FER1L5: variants seen among roughly 807,000 people sequenced by gnomAD.
FER1L5 encodes fer-1-like protein 5.
A neutral mutation model predicts 279.9 loss-of-function variants in FER1L5; 187 were observed. That is an observed-to-expected ratio of 0.67 (90% CI 0.59 to 0.75). The LOEUF is 0.75. FER1L5 is among the 30% of genes least tolerant of loss of function. The probability of loss-of-function intolerance (pLI) is 0.00; values close to 1 mark genes in which losing one functional copy is unlikely to be tolerated. For missense variants in FER1L5, 2,091 were observed against 2,594.4 expected, an observed-to-expected ratio of 0.81 and a Z score of 4.21; for synonymous variants, 921 against 989.7, an observed-to-expected ratio of 0.93 and a Z score of 1.30.
chr2:96,702,569 T>C lies in FER1L5; in HGVS notation c.5256-31T>C. The C allele has an allele frequency of 9.0e-6, 14 of 1,555,992 alleles. No individual in the cohort carries two copies. Among genetic ancestry groups the C allele is most frequent in the Non-Finnish European group, 1.2e-5 (14 of 1,149,850 alleles). On this transcript the variant is annotated intron_variant, in intron 47 of 52. Transcript: ENST00000624922. This position sits in a 1 kb window ranked among gnomAD's most constrained non-coding sequence, Gnocchi z 4.0. ...AGCTGGGGGATGGGGCCAATGCACA[T>C]GAGCCACAGGTGATAGGACTCTGGC...
chr2:96,655,475 TC>T (rs1486705007), intron 9 of FER1L5, among the ~76,000 whole-genome samples: 2 of 152,206 alleles, frequency 1.3e-5, no homozygotes, highest in African/African-American at 2.4e-5. Flanking sequence ...TAGTCATTGT[TC>T]ATCTGAAATT....
chr2:96,649,518 C>G, intron 4 of FER1L5, 105 bp from the exon 5 acceptor site: 1 of 1,067,940 alleles, frequency 9.4e-7, no homozygotes, highest in East Asian at 2.6e-5. Context: ...TCACGGCCCC[C>G]ACCAGGAGGA....
chr2:96,701,904 C>T, intron 45 of FER1L5, 51 bp from the exon 46 acceptor site: 2 of 1,574,832 alleles, frequency 1.3e-6, no homozygotes, highest in Non-Finnish European at 1.7e-6. Context: ...GGCCAGCCTG[C>T]TGAGAACAGA....
intron 6 of FER1L5, among the ~76,000 whole-genome samples, chr2:96,651,600 A>G (rs896573384): frequency 1.3e-4 from 20 of 151,816 alleles, no homozygotes; most frequent in African/African-American, 4.1e-4. Flanking sequence ...CTCTGGGCTC[A>G]GGTGATCCTC....
chr2:96,694,195 G>A lies in FER1L5; in HGVS notation c.3636+123G>A. Reference sequence around the variant, plus strand: ...TGCCTGGGGCCCAGGATCCCGAGCTGTGGGCTTGGTGACGCTGGCCTGACC... The same window carrying A: ...TGCCTGGGGCCCAGGATCCCGAGCTATGGGCTTGGTGACGCTGGCCTGACC... On this transcript the variant is annotated intron_variant, in intron 33 of 52. Coordinates refer to ENST00000624922, the MANE Select transcript of FER1L5 (RefSeq NM_001293083.2). This position sits in a 1 kb window ranked among gnomAD's most constrained non-coding sequence, Gnocchi z 4.6. 1 of 1,388,804 alleles carries A rather than the reference G, an allele frequency of 7.2e-7. No homozygotes were observed. The highest frequency in any genetic ancestry group is 9.6e-7 in the Non-Finnish European group (1 of 1,046,874). The allele number at this position is 1,388,804 out of a possible 1,614,324, so 86.0% of individuals were successfully genotyped here.
At chr2:96,675,780 A>G (rs191907637) in intron 19 of FER1L5, among the ~76,000 whole-genome samples, 1 of 151,904 alleles carries the variant, frequency 6.6e-6, no homozygotes, top group Admixed American at 6.6e-5. Context: ...CCAGGCTAGC[A>G]CCACTACGCC....
intron 19 of FER1L5, among the ~76,000 whole-genome samples, chr2:96,676,844 A>G (rs934471922): frequency 6.6e-6 from 1 of 151,980 alleles, no homozygotes; most frequent in Non-Finnish European, 1.5e-5. Context: ...ACCTTACATT[A>G]TCTTTGTTAT....
At chr2:96,680,395 C>T (rs2076675382) in intron 19 of FER1L5, among the ~76,000 whole-genome samples, 1 of 152,076 alleles carries the variant, frequency 6.6e-6, no homozygotes, top group Non-Finnish European at 1.5e-5. Flanking sequence ...CTCTTCCCCA[C>T]TGTATCTCCT....
intron 31 of FER1L5, 23 bp from the exon 32 acceptor site, chr2:96,693,482 CT>C: frequency 6.5e-7 from 1 of 1,541,514 alleles, no homozygotes; most frequent in Non-Finnish European, 8.8e-7. Flanking sequence ...CAAGACACTG[CT>C]ACCTTCTCCT....
chr2:96,700,231 T>C, intron 44 of FER1L5, 101 bp from the exon 45 acceptor site: 1 of 1,571,728 alleles, frequency 6.4e-7, no homozygotes, highest in Non-Finnish European at 8.6e-7. Context: ...CCTTTCCCCT[T>C]CACTCCTACC....
intron 17 of FER1L5, among the ~76,000 whole-genome samples, chr2:96,669,485 G>A (rs959512990): frequency 2.0e-5 from 3 of 152,140 alleles, no homozygotes; most frequent in Non-Finnish European, 2.9e-5. Context: ...CCAGAAACCC[G>A]ACTCGAACAG....
chr2:96,647,848 G>A lies in FER1L5; in HGVS notation c.301G>A (p.Asp101Asn), dbSNP rs1349591900. The change falls in exon 4 of 53, where the codon GAC becomes AAC. Residue 101 changes from aspartate (D) to asparagine (N), a missense_variant. Asp to Asn is a conservative substitution (Grantham distance 23, BLOSUM62 1). Transcript: ENST00000624922. ...KQPSEVLFVKDLTLLNHSMKP... is the reference protein window; with the variant it reads ...KQPSEVLFVKNLTLLNHSMKP... ...ACCAAGTGAGGTCCTTTTTGTGAAG[G>A]ACTTGACCCTGCTCAACCATTCCAT... The A allele has an allele frequency of 3.2e-6, 5 of 1,551,790 alleles. No individual in the cohort carries two copies. The highest frequency in any genetic ancestry group is 3.9e-5 in the Admixed American group (2 of 51,002).
At chr2:96,687,714 G>A (rs1477854877) in intron 23 of FER1L5, 102 bp from the exon 24 acceptor site, 25 of 1,474,426 alleles carry the variant, frequency 1.7e-5, no homozygotes, top group Non-Finnish European at 2.3e-5. Context: ...CCCGCTCCCA[G>A]GGCTCAGGGG....
At chr2:96,654,558 G>A (rs150664857) in intron 9 of FER1L5, 62 bp downstream of exon 9, 139 of 398,488 alleles carry the variant, frequency 3.5e-4, no homozygotes, top group African/African-American at 2.4e-3. Context: ...ACCCATGCTG[G>A]GCTCCATGCC....
chr2:96,686,361 G>T lies in FER1L5; in HGVS notation c.2229+11G>T. 1 of 1,549,340 alleles carries T rather than the reference G, an allele frequency of 6.5e-7. No individual in the cohort carries two copies. Among genetic ancestry groups the T allele is most frequent in the Non-Finnish European group, 8.7e-7 (1 of 1,145,846 alleles). ...ACACTCTTCCTACAGGTGGGAATCA[G>T]GGACTCCTCAGGGGAGGACAGGGCT... On this transcript the variant is annotated intron_variant, in intron 23 of 52. Transcript: ENST00000624922.
At position 96,652,005 on chromosome 2, in the gene FER1L5, C is replaced by A; in HGVS notation, c.618C>A (p.Asn206Lys). ...AGACACGCATCAAGATGGGAAACAA[C>A]CCTTTCTTTAATGAGGTGGGCTGAA... ...QHQTRIKMGN[N>K]PFFNEIFFQN... is the part of the protein sequence containing the mutation. Residue 206 changes from asparagine to lysine, a missense_variant, in exon 7 of 53, where the codon AAC (asparagine) becomes AAA (lysine). Coordinates refer to ENST00000624922, the MANE Select transcript of FER1L5 (RefSeq NM_001293083.2). The A allele has an allele frequency of 6.4e-7, 1 of 1,551,770 alleles. No individual in the cohort carries two copies. The highest frequency in any genetic ancestry group is 1.2e-5 in the South Asian group (1 of 84,066).
In FER1L5 at chr2:96,647,761, G is replaced by T. The variant is rs1428313615; in HGVS notation, c.231-17G>T. On this transcript the variant is annotated splice_polypyrimidine_tract_variant and intron_variant, in intron 3 of 52. Transcript: ENST00000624922. ...TCCCCTGGCTCAGGATCTCACATCT[G>T]CTCCTTGTCTCCCCAGATTCATTGG... 6.5e-7 allele frequency: 1 copy of T among 1,538,484 alleles called. No individual in the cohort carries two copies. Among genetic ancestry groups the T allele is most frequent in the Non-Finnish European group, 8.8e-7 (1 of 1,134,960 alleles).
rs34099510 is a variant in FER1L5 at position 96,668,751 on chromosome 2, C to G, written c.1141C>G (p.Leu381Val). ...WNQILTFRIQLPCLSSYIKFR... is the reference protein window; with the variant it reads ...WNQILTFRIQVPCLSSYIKFR... ...CGCACCTCTCTCCTTCCCTCCACAGCTACCCTGCCTCTCCAGCTACATCAA... is the reference window on the plus strand; with the variant it reads ...CGCACCTCTCTCCTTCCCTCCACAGGTACCCTGCCTCTCCAGCTACATCAA... Residue 381 changes from leucine (L) to valine (V), a missense_variant and splice_region_variant, in exon 15 of 53, where the codon CTA (leucine) becomes GTA (valine). Transcript: ENST00000624922. 5.8e-6 allele frequency: 9 copies of G among 1,551,548 alleles called. No individual in the cohort carries two copies. The highest frequency in any genetic ancestry group is 7.8e-6 in the Non-Finnish European group (9 of 1,146,914).
chr2:96,685,134 T>C (rs1379168589), intron 20 of FER1L5, among the ~76,000 whole-genome samples, 195 bp from the exon 21 acceptor site: 1 of 152,118 alleles, frequency 6.6e-6, no homozygotes, highest in Non-Finnish European at 1.5e-5. Context: ...CTGTTTCTTC[T>C]GTTGGGAAGC....
Sources: allele counts gnomAD v4.1 joint callset (sites outside exome capture counted in the v4.1 genomes callset), GRCh38; gene constraint gnomAD v4.1.1; non-coding constraint Gnocchi (gnomAD v3.1); transcripts MANE v1.5; gene names NCBI Gene and HGNC (gene_info 2026-07-23, HGNC 2026-07-21).